The following PDGFC variants were observed in gnomAD, a reference collection of about 807,000 sequenced individuals.
The protein encoded by PDGFC is platelet derived growth factor C, also known as platelet-derived growth factor C.
Under a neutral mutation model 35.5 loss-of-function variants are expected in PDGFC, and 12 were observed. That is an observed-to-expected ratio of 0.34 (90% confidence interval 0.22 to 0.55). The LOEUF is 0.55. Among genes scored for constraint, PDGFC ranks in the 20% least tolerant of loss-of-function variants. The pLI, the probability that PDGFC is intolerant of heterozygous loss-of-function variation, is 0.91. For synonymous variants in PDGFC, 159 were observed against 148.8 expected (o/e 1.07, Z -0.50); for missense variants, 322 against 412.4 (o/e 0.78, Z 1.90).
intron 1 of PDGFC, among the ~76,000 whole-genome samples, chr4:156,906,373 A>G (rs1378213319): frequency 2.0e-5 from 3 of 152,110 alleles, no homozygotes; most frequent in African/African-American, 4.8e-5. Context: ...TTTATGGCTC[A>G]TGGTGAGGAG....
intron 1 of PDGFC, among the ~76,000 whole-genome samples, chr4:156,925,339 C>A (rs1731382169): frequency 6.6e-6 from 1 of 151,968 alleles, no homozygotes; most frequent in Non-Finnish European, 1.5e-5. Context: ...TGAGTGGAAG[C>A]AAACAATTCA....
intron 1 of PDGFC, among the ~76,000 whole-genome samples, chr4:156,889,078 T>C (rs1730443260): frequency 6.6e-6 from 1 of 152,200 alleles, no homozygotes; most frequent in South Asian, 2.1e-4. Context: ...ACACCATTAT[T>C]CTGGATGATT....
chr4:156,873,552 A>C (rs926926991), intron 1 of PDGFC, among the ~76,000 whole-genome samples: 1 of 152,172 alleles, frequency 6.6e-6, no homozygotes, highest in African/African-American at 2.4e-5. Context: ...ATTTCCTATA[A>C]CTTCTTTTTG....
At chr4:156,824,333 C>CATAT (rs1560827592) in intron 2 of PDGFC, among the ~76,000 whole-genome samples, 1 of 84,860 alleles carries the variant, frequency 1.2e-5, no homozygotes, top group Non-Finnish European at 2.2e-5. Flanking sequence ...TATATACACA[C>CATAT]ACACACACAC....
At chr4:156,779,265 T>C (rs1258123754) in intron 3 of PDGFC, 3 of 440,962 alleles carry the variant, frequency 6.8e-6, no homozygotes, top group Admixed American at 5.0e-5. Flanking sequence ...GGTCATGTTT[T>C]TAAATTATTT....
At chr4:156,900,006 A>G (rs1389185739) in intron 1 of PDGFC, among the ~76,000 whole-genome samples, 2 of 152,160 alleles carry the variant, frequency 1.3e-5, no homozygotes, top group East Asian at 3.9e-4. Context: ...TTATAAACTA[A>G]GATCATGACC....
intron 3 of PDGFC, among the ~76,000 whole-genome samples, chr4:156,797,817 A>G (rs998850812): frequency 1.3e-5 from 2 of 152,156 alleles, no homozygotes; most frequent in African/African-American, 4.8e-5. Context: ...ACTCCTTACA[A>G]GAGTAGATTA....
chr4:156,960,252 T>TTTTATATATATATA (rs1393791877), intron 1 of PDGFC, among the ~76,000 whole-genome samples: 12 of 137,124 alleles, frequency 8.8e-5, no homozygotes, highest in African/African-American at 3.4e-4. Context: ...TATATAACTG[T>TTTTATATATATATA]TATATATATA....
chr4:156,823,902 C>T (rs1290075578), intron 2 of PDGFC, among the ~76,000 whole-genome samples: 1 of 151,970 alleles, frequency 6.6e-6, no homozygotes, highest in African/African-American at 2.4e-5. Flanking sequence ...ATACAGCCTT[C>T]AGAAAGAAGA....
At chr4:156,783,800 A>G (rs1731043899) in intron 3 of PDGFC, among the ~76,000 whole-genome samples, 1 of 152,176 alleles carries the variant, frequency 6.6e-6, no homozygotes, top group Non-Finnish European at 1.5e-5. Context: ...TGCTAAAAAG[A>G]GTATGCTTTA....
chr4:156,850,642 A>G (rs980526216), intron 1 of PDGFC, among the ~76,000 whole-genome samples: 2 of 152,024 alleles, frequency 1.3e-5, no homozygotes, highest in Non-Finnish European at 2.9e-5. Context: ...ATAGCAAATT[A>G]CTCTTTTAAG....
At chr4:156,822,107 C>G (rs1732278174) in intron 2 of PDGFC, among the ~76,000 whole-genome samples, 1 of 152,038 alleles carries the variant, frequency 6.6e-6, no homozygotes. Context: ...GGCCTGTAAT[C>G]CCAGCAGTTT....
At chr4:156,960,897 T>C (rs1258709159) in intron 1 of PDGFC, among the ~76,000 whole-genome samples, 1 of 152,092 alleles carries the variant, frequency 6.6e-6, no homozygotes, top group Non-Finnish European at 1.5e-5. Flanking sequence ...CATTACTGTG[T>C]TTTTCCTATG....
At chr4:156,825,642 A>AAGAAGAAGC (rs1560828522) in intron 2 of PDGFC, among the ~76,000 whole-genome samples, 2 of 148,096 alleles carry the variant, frequency 1.4e-5, no homozygotes, top group Non-Finnish European at 3.0e-5. Flanking sequence ...GAAGAAGAAG[A>AAGAAGAAGC]AAAGAAAGAA....
intron 1 of PDGFC, among the ~76,000 whole-genome samples, chr4:156,947,754 C>A (rs2110927666): frequency 6.6e-6 from 1 of 152,020 alleles, no homozygotes; most frequent in East Asian, 1.9e-4. Flanking sequence ...GTGTTTCTTC[C>A]AAAAACTAAA....
At chr4:156,918,625 A>G (rs1020285) in intron 1 of PDGFC, among the ~76,000 whole-genome samples, 74,962 of 151,912 alleles carry the variant, frequency 0.49, 20,234 homozygotes, top group East Asian at 0.63. Flanking sequence ...TAAACTGCAT[A>G]TGCGAGGGAC....
chr4:156,838,001 A>G (rs1201816310), intron 2 of PDGFC, among the ~76,000 whole-genome samples: 1 of 152,088 alleles, frequency 6.6e-6, no homozygotes, highest in Non-Finnish European at 1.5e-5. Flanking sequence ...TACAAAAGTA[A>G]TTGCTACAGA....
chr4:156,782,370 C>T (rs1232733091), intron 3 of PDGFC, among the ~76,000 whole-genome samples: 1 of 152,048 alleles, frequency 6.6e-6, no homozygotes, highest in Non-Finnish European at 1.5e-5. Flanking sequence ...ACTCTGAGGC[C>T]CACCATGTCA....
intron 1 of PDGFC, among the ~76,000 whole-genome samples, chr4:156,923,259 G>A (rs1731329623): frequency 6.6e-6 from 1 of 152,020 alleles, no homozygotes; most frequent in East Asian, 1.9e-4. Flanking sequence ...CTCACTCAGG[G>A]CCTTTCCGCT....
Sources: gnomAD v4.1 joint callset for allele counts (sites outside exome capture counted in the v4.1 genomes callset) on GRCh38, gnomAD v4.1.1 for gene constraint, MANE v1.5 for transcripts, NCBI Gene and HGNC (gene_info 2026-07-23, HGNC 2026-07-21) for gene names.